The following ZNF638 variants were observed in gnomAD, a reference collection of about 807,000 sequenced individuals.
The protein encoded by ZNF638 is CTCL tumor antigen se33-1.
A neutral mutation model predicts 195.6 loss-of-function variants in ZNF638; 46 were observed. That is an observed-to-expected ratio of 0.24 (90% CI 0.19 to 0.30). The LOEUF (loss-of-function observed/expected upper bound fraction) is 0.30. Among genes scored for constraint, ZNF638 ranks in the 10% least tolerant of loss-of-function variants. ZNF638 has a pLI of 1.00. For missense variants in ZNF638, 2,440 were observed against 2,325.3 expected, an observed-to-expected ratio of 1.05 and a Z score of -1.01; for synonymous variants, 845 against 772.0, an observed-to-expected ratio of 1.09 and a Z score of -1.57.
chr2:71,406,043 T>C, intron 18 of ZNF638, 85 bp from the exon 19 acceptor site: 1 of 1,507,312 alleles, frequency 6.6e-7, no homozygotes, highest in East Asian at 2.3e-5. Flanking sequence ...ATCTGACCTC[T>C]GTAATAGTAA....
In ZNF638 at chr2:71,368,592, G is replaced by C. The variant is rs2079248795; in HGVS notation, c.2142+64G>C. 6.4e-6 allele frequency: 10 copies of C among 1,565,458 alleles called. No individual in the cohort carries two copies. The Admixed American group carries it at 1.6e-4, about 25-fold the overall frequency. ...GATTGCTTTAATGATTCTATAAATT[G>C]CTGTTGTGTTCCTTAGCTGCTTGTA... On this transcript the variant is annotated intron_variant, in intron 7 of 27. Transcript: ENST00000264447.
At chr2:71,417,440 C>A (rs532862585) in intron 20 of ZNF638, among the ~76,000 whole-genome samples, 1 of 152,078 alleles carries the variant, frequency 6.6e-6, no homozygotes, top group Non-Finnish European at 1.5e-5. Flanking sequence ...CCGTCTTCTG[C>A]GTCGCTCACG....
chr2:71,367,776 G>A (rs2419076), intron 6 of ZNF638, among the ~76,000 whole-genome samples: 71,571 of 148,586 alleles, frequency 0.48, 18,654 homozygotes, highest in Admixed American at 0.61. Context: ...TTAGTATGTT[G>A]CCCATCCTGG....
chr2:71,423,722 A>G lies in ZNF638; in HGVS notation c.4208A>G (p.Lys1403Arg). The G allele has an allele frequency of 6.2e-6, 10 of 1,613,912 alleles. No homozygotes were observed. Among genetic ancestry groups the G allele is most frequent in the Non-Finnish European group, 8.5e-6 (10 of 1,180,012 alleles). The change falls in exon 22 of 28, where the codon AAG becomes AGG. Residue 1403 changes from lysine (K) to arginine (R), a missense_variant. Lys to Arg is a conservative substitution (Grantham distance 26). Coordinates refer to ENST00000264447, the MANE Select transcript of ZNF638 (RefSeq NM_014497.5). ...AAGGCTGTTATAGTCTCTTCTCCTA[A>G]GGCAAAAGCTACAGTTTCAAAAACT... The part of the protein sequence containing the change: ...SIKAVIVSSP[K>R]AKATVSKTEN...
At chr2:71,380,663 TGAA>T in intron 10 of ZNF638, 98 bp downstream of exon 10, 1 of 944,732 alleles carries the variant, frequency 1.1e-6, no homozygotes, top group Non-Finnish European at 1.6e-6. Context: ...TGTGCTTTAA[TGAA>T]GGAGACCCAA....
chr2:71,431,603 A>G (rs1373807309), intron 26 of ZNF638, among the ~76,000 whole-genome samples, 175 bp downstream of exon 26: 1 of 152,126 alleles, frequency 6.6e-6, no homozygotes, highest in Admixed American at 6.5e-5. Flanking sequence ...ACTAAAAGGT[A>G]CAAAAAATTA....
chr2:71,335,878 GGTT>G lies in ZNF638; in HGVS notation c.-203+4008_-203+4010del, dbSNP rs557493055. On this transcript the variant is annotated intron_variant, in intron 1 of 27. Coordinates refer to ENST00000264447, the MANE Select transcript of ZNF638 (RefSeq NM_014497.5). ...CCCACCCCCATGCATATGTGGTAAA[GGTT>G]GTTGGAGTCAGGATCCAACTAATGT... Among the ~76,000 whole-genome samples the G allele has an allele frequency of 3.5e-3, 533 of 152,308 alleles. 2 individuals carry two copies. Among genetic ancestry groups the G allele is most frequent in the African/African-American group, 0.012 (503 of 41,568 alleles).
chr2:71,380,034 A>G (rs1342839543), intron 8 of ZNF638, 188 bp from the exon 9 acceptor site: 1 of 416,026 alleles, frequency 2.4e-6, no homozygotes, highest in Non-Finnish European at 4.3e-6. Flanking sequence ...AAGAAAATGC[A>G]GATGAGTTGT....
intron 8 of ZNF638, chr2:71,375,457 A>G (rs1384526142): frequency 2.0e-5 from 3 of 152,160 alleles, no homozygotes; most frequent in East Asian, 1.9e-4. Flanking sequence ...CATCTTTTCT[A>G]TCTTCGAGAC....
chr2:71,380,132 T>A lies in ZNF638; in HGVS notation c.2266-90T>A. 1.0e-5 allele frequency: 7 copies of A among 682,312 alleles called. No individual in the cohort carries two copies. The South Asian group carries it at 1.7e-4, about 17-fold the overall frequency. 42.3% of individuals were successfully genotyped at this position (682,312 alleles called of 1,614,324 possible). A position where few individuals can be genotyped will look rare whatever the true frequency, so the allele number is the denominator to read the frequency against. On this transcript the variant is annotated intron_variant, in intron 8 of 27. Transcript: ENST00000264447. ...GGAAAAGGTAATAATCATGTGTCCT[T>A]TAGAATAGGAAGATTTTAGATTTTT...
At chr2:71,393,095 C>T (rs1573107853) in intron 10 of ZNF638, among the ~76,000 whole-genome samples, 1 of 152,154 alleles carries the variant, frequency 6.6e-6, no homozygotes, top group African/African-American at 2.4e-5. Context: ...ACAGGCATCC[C>T]GTATAACTGA....
At chr2:71,398,332 AAAT>A (rs2079937905) in intron 11 of ZNF638, among the ~76,000 whole-genome samples, 1 of 152,122 alleles carries the variant, frequency 6.6e-6, no homozygotes, top group African/African-American at 2.4e-5. Flanking sequence ...ACAGTGTTTT[AAAT>A]AATTTTGTGC....
At chr2:71,402,139 AAAAACATTAAATTTAC>A in intron 16 of ZNF638, 52 bp downstream of exon 16, 1 of 1,513,036 alleles carries the variant, frequency 6.6e-7, no homozygotes, top group Non-Finnish European at 8.9e-7. Context: ...GCATGCTTTG[AAAAACATTAAATTTAC>A]AAAACTAAAA....
At position 71,364,096 on chromosome 2, in the gene ZNF638, C is replaced by T. The variant is rs2079154922; in HGVS notation, c.1561C>T (p.Arg521Ter). The change falls in exon 5 of 28, where the codon CGA (arginine) becomes TGA (stop). Residue 521 changes from arginine (R) to a stop codon, truncating the protein, a stop_gained. Transcript: ENST00000264447. LOFTEE classifies it high-confidence loss of function. ...PMHYMYRPRS[R>*]SPRICHRFIS... ...GCATTACATGTATAGGCCGAGAAGTCGAAGTCCAAGAATTTGCCATCGTTT... is the reference window on the plus strand; with the variant it reads ...GCATTACATGTATAGGCCGAGAAGTTGAAGTCCAAGAATTTGCCATCGTTT... 1 of 1,614,000 alleles carries T rather than the reference C, an allele frequency of 6.2e-7. No homozygotes were observed.
At chr2:71,432,887 G>A (rs1183122402) in intron 26 of ZNF638, among the ~76,000 whole-genome samples, 1 of 152,188 alleles carries the variant, frequency 6.6e-6, no homozygotes, top group African/African-American at 2.4e-5. Context: ...TCAGGAGTTC[G>A]AGACCAGCCT....
chr2:71,405,819 G>C (rs772165121), intron 18 of ZNF638, among the ~76,000 whole-genome samples, 177 bp downstream of exon 18: 1 of 152,142 alleles, frequency 6.6e-6, no homozygotes, highest in Non-Finnish European at 1.5e-5. Context: ...TGTAGTACTT[G>C]ATGCGAAAAA....
intron 23 of ZNF638, among the ~76,000 whole-genome samples, chr2:71,424,997 C>T (rs1238940731): frequency 6.6e-6 from 1 of 152,046 alleles, no homozygotes; most frequent in African/African-American, 2.4e-5. Context: ...CCTCCAATCT[C>T]ATATTGACAG....
chr2:71,400,703 C>G (rs142075382), intron 15 of ZNF638, among the ~76,000 whole-genome samples, 185 bp downstream of exon 15: 1 of 151,990 alleles, frequency 6.6e-6, no homozygotes, highest in Non-Finnish European at 1.5e-5. Flanking sequence ...GCTCAAAAAC[C>G]CTGAGGTGCA....
chr2:71,360,974 CTGAACTTGG>C lies in ZNF638; in HGVS notation c.1380-2173_1380-2165del, dbSNP rs1376345557. Reference sequence around the variant, plus strand: ...AACATGTGTTACCTAGTGAACAGGTCTGAACTTGGTGAACCTGAACCTAATGAAGATCAA... The same window carrying C: ...AACATGTGTTACCTAGTGAACAGGTCTGAACCTGAACCTAATGAAGATCAA... On this transcript the variant is annotated intron_variant, in intron 3 of 27. Coordinates refer to ENST00000264447, the MANE Select transcript of ZNF638 (RefSeq NM_014497.5). 2.0e-5 allele frequency among the ~76,000 whole-genome samples: 3 copies of C among 152,084 alleles called. No homozygotes were observed. In the East Asian group the frequency reaches 5.8e-4, roughly 29 times the overall value.
Sources: gnomAD v4.1 joint callset for allele counts (sites outside exome capture counted in the v4.1 genomes callset) on GRCh38, gnomAD v4.1.1 for gene constraint, MANE v1.5 for transcripts, NCBI Gene and HGNC (gene_info 2026-07-23, HGNC 2026-07-21) for gene names.